The following IRAG1 variants were observed in gnomAD, a reference collection of about 807,000 sequenced individuals.
The protein encoded by IRAG1 is inositol 1,4,5-triphosphate receptor associated 1, also known as IP3R-associated cGMP kinase substrate.
Under a neutral mutation model 106.2 loss-of-function variants are expected in IRAG1, and 62 were observed. The observed-to-expected ratio is 0.58, with a 90% CI of 0.48 to 0.72. The LOEUF (loss-of-function observed/expected upper bound fraction) is 0.72. Ranked by LOEUF, IRAG1 falls within the 30% of genes least tolerant of loss-of-function variation. The pLI is 0.00. For missense variants in IRAG1, 1,064 were observed against 1,140.7 expected (o/e 0.93, Z 0.97); for synonymous variants, 462 against 443.9 (o/e 1.04, Z -0.51).
intron 17 of IRAG1, chr11:10,593,210 C>A: frequency 8.5e-6 from 2 of 235,206 alleles, no homozygotes; most frequent in Non-Finnish European, 1.7e-5. Context: ...AAATTGTAAC[C>A]ACCTTGGCAG....
At chr11:10,632,827 T>TG (rs1261304355) in intron 3 of IRAG1, among the ~76,000 whole-genome samples, 4 of 152,202 alleles carry the variant, frequency 2.6e-5, no homozygotes, top group Admixed American at 6.5e-5. Context: ...GATTTCTGTT[T>TG]GGGAAAAAAG....
At chr11:10,588,872 G>A (rs1249554445) in intron 18 of IRAG1, 1 of 152,196 alleles carries the variant, frequency 6.6e-6, no homozygotes, top group African/African-American at 2.4e-5. Flanking sequence ...CTGGCCCTTG[G>A]TGATTAATTG....
At chr11:10,635,283 C>A (rs1857066924) in intron 2 of IRAG1, among the ~76,000 whole-genome samples, 1 of 152,196 alleles carries the variant, frequency 6.6e-6, no homozygotes, top group Non-Finnish European at 1.5e-5. Flanking sequence ...TCCTTCCCAC[C>A]CCCTTGACTG....
In IRAG1 at chr11:10,604,540, C is replaced by T. The variant is rs563592992; in HGVS notation, c.1608G>A (p.Val536=). The T allele has an allele frequency of 8.7e-6, 14 of 1,614,034 alleles. No individual in the cohort carries two copies. Among genetic ancestry groups the T allele is most frequent in the Non-Finnish European group, 1.2e-5 (14 of 1,179,896 alleles). Residue 536 remains valine, a synonymous_variant, in exon 13 of 21, where the codon GTG becomes GTA. Transcript: ENST00000423302. ...TAAAGGCCAAGGACAGTTGCACAAA[C>T]ACGTTCTGTTGGGAACAAGGGTGTG... ...PPLTEKEVEN[V]FVQLSLAFRN...
intron 18 of IRAG1, among the ~76,000 whole-genome samples, chr11:10,585,475 C>A (rs1851860278): frequency 6.6e-6 from 1 of 151,306 alleles, no homozygotes; most frequent in African/African-American, 2.4e-5. Flanking sequence ...AAAAAGTAGG[C>A]TGAGGCATGA....
rs376836611 is a variant in IRAG1, at chr11:10,626,279, G to A, written c.1055C>T (p.Ala352Val). 3.0e-5 allele frequency: 48 copies of A among 1,611,500 alleles called. No individual in the cohort carries two copies. Among genetic ancestry groups the A allele is most frequent in the East Asian group, 1.1e-4 (5 of 44,802 alleles). The change falls in exon 9 of 21, where the codon GCG becomes GTG. Residue 352 changes from alanine to valine, a missense_variant. Transcript: ENST00000423302. ...GGAGGCTGGGGGACCCACTCCTGCCGCATCCTGGGTTGGACTTCTCGGCAG... is the reference window on the plus strand; with the variant it reads ...GGAGGCTGGGGGACCCACTCCTGCCACATCCTGGGTTGGACTTCTCGGCAG... ...SPLPRSPTQD[A>V]AGVGPPASQG...
chr11:10,661,777 T>C (rs553154134), intron 1 of IRAG1, among the ~76,000 whole-genome samples: 1 of 152,312 alleles, frequency 6.6e-6, no homozygotes, highest in Admixed American at 6.5e-5. Context: ...TCCATCTAAG[T>C]ATTCCCAATT....
At chr11:10,635,954 CA>C (rs1297205969) in intron 2 of IRAG1, among the ~76,000 whole-genome samples, 6 of 152,162 alleles carry the variant, frequency 3.9e-5, no homozygotes, top group African/African-American at 1.4e-4. Flanking sequence ...AGGAGGCACT[CA>C]GAATCTCCCG....
intron 19 of IRAG1, among the ~76,000 whole-genome samples, chr11:10,581,475 G>A (rs2134091688): frequency 6.6e-6 from 1 of 152,238 alleles, no homozygotes; most frequent in Admixed American, 6.5e-5. Context: ...AGTGACCAAA[G>A]CAGTTCTAGG....
intron 1 of IRAG1, among the ~76,000 whole-genome samples, chr11:10,693,245 A>C (rs1310144021): frequency 7.9e-5 from 12 of 152,206 alleles, no homozygotes; most frequent in Non-Finnish European, 1.8e-4. Context: ...TAGGGGTTGC[A>C]ATCGCCTGTC....
intron 1 of IRAG1, among the ~76,000 whole-genome samples, chr11:10,680,859 C>T (rs1042316316): frequency 1.1e-4 from 16 of 152,156 alleles, no homozygotes; most frequent in Admixed American, 9.2e-4. Context: ...TGGGGCCGGG[C>T]GGGTTAGAGG....
chr11:10,609,387 T>A (rs1834178122), intron 11 of IRAG1, among the ~76,000 whole-genome samples: 2 of 152,154 alleles, frequency 1.3e-5, no homozygotes, highest in South Asian at 2.1e-4. Flanking sequence ...TACAAAAAAA[T>A]ATTTGAAAAC....
At chr11:10,690,809 C>T (rs1861997228) in intron 1 of IRAG1, among the ~76,000 whole-genome samples, 1 of 152,206 alleles carries the variant, frequency 6.6e-6, no homozygotes, top group African/African-American at 2.4e-5. Context: ...TAGCACAGAT[C>T]CTGGCACAAA....
chr11:10,588,133 G>T (rs925804810), intron 18 of IRAG1, among the ~76,000 whole-genome samples: 1 of 152,274 alleles, frequency 6.6e-6, no homozygotes. Context: ...CATCAGTGCA[G>T]TAAATAGTTA....
chr11:10,598,756 T>A (rs1452358893), intron 15 of IRAG1, among the ~76,000 whole-genome samples: 1 of 151,490 alleles, frequency 6.6e-6, no homozygotes, highest in African/African-American at 2.4e-5. Flanking sequence ...CTAGTATTCA[T>A]ACTTCTAGAA....
chr11:10,609,505 A>C (rs1854762051), intron 11 of IRAG1, among the ~76,000 whole-genome samples: 1 of 152,182 alleles, frequency 6.6e-6, no homozygotes, highest in Non-Finnish European at 1.5e-5. Flanking sequence ...TGCCTTCATG[A>C]ACTGTGCTCA....
intron 20 of IRAG1, among the ~76,000 whole-genome samples, chr11:10,579,618 TA>T (rs5789642): frequency 0.88 from 134,394 of 152,102 alleles, 59,510 homozygotes; most frequent in African/African-American, 0.9. Context: ...TGGGGTAGAG[TA>T]ACACCTCATC....
intron 1 of IRAG1, among the ~76,000 whole-genome samples, chr11:10,680,130 AG>A (rs1399791769): frequency 1.3e-5 from 2 of 151,450 alleles, no homozygotes; most frequent in African/African-American, 2.4e-5. Flanking sequence ...AAAATTGGCC[AG>A]GCATGGTGGC....
At chr11:10,689,989 G>A (rs558443172) in intron 1 of IRAG1, among the ~76,000 whole-genome samples, 123 of 152,244 alleles carry the variant, frequency 8.1e-4, no homozygotes, top group African/African-American at 2.8e-3. Flanking sequence ...AGAAAAAACT[G>A]AATAGAAATT....
Sources: gnomAD v4.1 joint callset for allele counts (sites outside exome capture counted in the v4.1 genomes callset) on GRCh38, gnomAD v4.1.1 for gene constraint, MANE v1.5 for transcripts, NCBI Gene and HGNC (gene_info 2026-07-23, HGNC 2026-07-21) for gene names.